EPHA3: variants seen among roughly 807,000 people sequenced by gnomAD.
The protein encoded by EPHA3 is ephrin type-A receptor 3.
EPHA3 carries 42 observed loss-of-function variants against 107.1 expected under a neutral mutation model. The ratio of observed to expected loss-of-function variants is 0.39; its 90% CI spans 0.31 to 0.51. EPHA3 has a LOEUF of 0.51. Among genes scored for constraint, EPHA3 ranks in the 20% least tolerant of loss-of-function variants. The probability of loss-of-function intolerance (pLI) is 0.78; values close to 1 mark genes in which losing one functional copy is unlikely to be tolerated. For missense variants in EPHA3, 1,183 were observed against 1,211.2 expected, an observed-to-expected ratio of 0.98 and a Z score of 0.35; for synonymous variants, 461 against 424.8, an observed-to-expected ratio of 1.09 and a Z score of -1.05.
intron 3 of EPHA3, among the ~76,000 whole-genome samples, chr3:89,298,307 CA>C (rs1229361272): frequency 6.6e-6 from 1 of 151,902 alleles, no homozygotes. Context: ...GTGTTCTCTG[CA>C]AAAAAACTCT....
chr3:89,150,591 T>C (rs1013922850), intron 2 of EPHA3, among the ~76,000 whole-genome samples: 8 of 152,046 alleles, frequency 5.3e-5, no homozygotes, highest in Non-Finnish European at 8.8e-5. Flanking sequence ...GATGCACATA[T>C]ACATATTATT....
intron 5 of EPHA3, 95 bp from the exon 6 acceptor site, chr3:89,395,742 T>C: frequency 7.0e-7 from 1 of 1,433,004 alleles, no homozygotes; most frequent in South Asian, 1.3e-5. Flanking sequence ...TAGACTCCAT[T>C]TGCATGTTCC....
chr3:89,328,963 C>T (rs895960825), intron 3 of EPHA3, among the ~76,000 whole-genome samples: 6 of 152,018 alleles, frequency 3.9e-5, no homozygotes, highest in Non-Finnish European at 5.9e-5. Context: ...AAATGTGTGC[C>T]GCTGTCTAAG....
intron 3 of EPHA3, among the ~76,000 whole-genome samples, chr3:89,284,437 C>T (rs1706028364): frequency 7.0e-6 from 1 of 143,092 alleles, no homozygotes. Flanking sequence ...TATCTACCAT[C>T]ACCTTTTTTT....
chr3:89,359,824 T>TATATATAC (rs1553686064), intron 5 of EPHA3, among the ~76,000 whole-genome samples: 1 of 119,778 alleles, frequency 8.3e-6, no homozygotes, highest in Non-Finnish European at 1.8e-5. Flanking sequence ...TATATATACA[T>TATATATAC]ATATATATAC....
chr3:89,425,498 G>A (rs1257119629), intron 11 of EPHA3, among the ~76,000 whole-genome samples: 3 of 150,054 alleles, frequency 2.0e-5, no homozygotes, highest in Non-Finnish European at 3.0e-5. Flanking sequence ...CCTCATTAGA[G>A]TGTGTTTAAT....
chr3:89,214,281 G>T (rs538568517), intron 3 of EPHA3, among the ~76,000 whole-genome samples: 1 of 152,052 alleles, frequency 6.6e-6, no homozygotes, highest in East Asian at 1.9e-4. Context: ...AAAGGGATGG[G>T]CTTCAAAATG....
At chr3:89,343,948 A>T (rs1034551604) in intron 5 of EPHA3, among the ~76,000 whole-genome samples, 3 of 152,286 alleles carry the variant, frequency 2.0e-5, no homozygotes, top group African/African-American at 7.2e-5. Context: ...TATGGGAAAA[A>T]ATGAGTACTG....
intron 2 of EPHA3, among the ~76,000 whole-genome samples, chr3:89,136,330 C>CT (rs67054298): frequency 0.1 from 2,342 of 23,364 alleles, 627 homozygotes; most frequent in Non-Finnish European, 0.13. Flanking sequence ...ATCTTACAGG[C>CT]TTTTTTTTTT....
At chr3:89,186,358 C>T (rs1309201456) in intron 2 of EPHA3, among the ~76,000 whole-genome samples, 1 of 149,602 alleles carries the variant, frequency 6.7e-6, no homozygotes, top group Non-Finnish European at 1.5e-5. Flanking sequence ...ACTATCAATA[C>T]ATGTCCTTGG....
At chr3:89,337,894 G>A (rs572709397) in intron 3 of EPHA3, among the ~76,000 whole-genome samples, 8 of 152,244 alleles carry the variant, frequency 5.3e-5, no homozygotes, top group African/African-American at 1.9e-4. Flanking sequence ...TCTTGAGATT[G>A]GTGGTTCCTG....
intron 1 of EPHA3, among the ~76,000 whole-genome samples, chr3:89,110,673 G>C (rs1576155233): frequency 6.6e-6 from 1 of 152,046 alleles, no homozygotes; most frequent in East Asian, 1.9e-4. Flanking sequence ...TTTAATGGGA[G>C]ATCAGCTGTT....
chr3:89,400,794 T>C lies in EPHA3; in HGVS notation c.1594+1314T>C, dbSNP rs1708947417. Among the ~76,000 whole-genome samples the C allele has an allele frequency of 2.0e-5, 3 of 152,298 alleles. No individual in the cohort carries two copies. The South Asian group carries it at 6.2e-4, about 32-fold the overall frequency. On this transcript the variant is annotated intron_variant, in intron 7 of 16. Coordinates refer to ENST00000336596, the MANE Select transcript of EPHA3 (RefSeq NM_005233.6). ...ACCAGTTGTCTTTCTAGTAAATAAG[T>C]GTTATTTCAATTGTTAAAGGAAAAA...
chr3:89,352,300 A>G (rs1707844867), intron 5 of EPHA3, among the ~76,000 whole-genome samples: 1 of 151,244 alleles, frequency 6.6e-6, no homozygotes, highest in Admixed American at 6.6e-5. Flanking sequence ...AAGGGATTAA[A>G]CTGGAAATCC....
chr3:89,403,538 T>C (rs549501804), intron 7 of EPHA3, among the ~76,000 whole-genome samples: 1 of 151,790 alleles, frequency 6.6e-6, no homozygotes, highest in East Asian at 1.9e-4. Context: ...GCATGGAGTA[T>C]AAAAGAGTAA....
At chr3:89,298,231 C>T (rs1706406840) in intron 3 of EPHA3, among the ~76,000 whole-genome samples, 1 of 152,088 alleles carries the variant, frequency 6.6e-6, no homozygotes, top group Non-Finnish European at 1.5e-5. Flanking sequence ...TGGCACTCTG[C>T]TAAAAACTGA....
chr3:89,459,205 G>C (rs1292798722), intron 15 of EPHA3, among the ~76,000 whole-genome samples: 1 of 151,878 alleles, frequency 6.6e-6, no homozygotes, highest in Non-Finnish European at 1.5e-5. Flanking sequence ...TTTTAAAAAA[G>C]ATAGAAGGAA....
At chr3:89,254,780 A>G (rs1705242781) in intron 3 of EPHA3, among the ~76,000 whole-genome samples, 2 of 152,250 alleles carry the variant, frequency 1.3e-5, no homozygotes, top group African/African-American at 4.8e-5. Flanking sequence ...TTCTTGATGA[A>G]TGTCCTAAAT....
At chr3:89,165,503 T>G (rs1209636387) in intron 2 of EPHA3, among the ~76,000 whole-genome samples, 1 of 152,240 alleles carries the variant, frequency 6.6e-6, no homozygotes, top group Non-Finnish European at 1.5e-5. Flanking sequence ...ACTGTTCTAA[T>G]GCATGGATTA....
Sources: allele counts gnomAD v4.1 joint callset (sites outside exome capture counted in the v4.1 genomes callset), GRCh38; gene constraint gnomAD v4.1.1; transcripts MANE v1.5; gene names NCBI Gene and HGNC (gene_info 2026-07-23, HGNC 2026-07-21).